Variants in COP1 observed in about 807,000 individuals in gnomAD.
COP1 encodes the protein E3 ubiquitin-protein ligase COP1.
COP1 carries 24 observed loss-of-function variants against 101.3 expected under a neutral mutation model. The ratio of observed to expected loss-of-function variants is 0.24; its 90% CI spans 0.17 to 0.33. The LOEUF (loss-of-function observed/expected upper bound fraction) is 0.33. Among genes scored for constraint, COP1 ranks in the 10% least tolerant of loss-of-function variants. COP1 has a pLI of 1.00. For synonymous variants in COP1, 347 were observed against 341.9 expected (o/e 1.01, Z -0.17); for missense variants, 663 against 906.2 (o/e 0.73, Z 3.45).
chr1:176,071,604 T>G lies in COP1; in HGVS notation c.1277+9548A>C, dbSNP rs76258996. Among the ~76,000 whole-genome samples the G allele has an allele frequency of 5.9e-3, 891 of 152,274 alleles. 12 individuals carry two copies. Among genetic ancestry groups the G allele is most frequent in the African/African-American group, 0.021 (855 of 41,546 alleles). On this transcript the variant is annotated intron_variant, in intron 11 of 19. Coordinates refer to ENST00000367669, the MANE Select transcript of COP1 (RefSeq NM_022457.7). ...AACTGATCTTAGGATCACAGAAAGA[T>G]TTTCTAAATAAAATGGCTAGAATTT...
intron 1 of COP1, among the ~76,000 whole-genome samples, chr1:176,187,407 G>A (rs866301496): frequency 1.5e-4 from 1 of 6,606 alleles, no homozygotes; most frequent in Non-Finnish European, 9.2e-4. Context: ...ATATACGTGT[G>A]TGTGTGTGTG....
At position 176,087,088 on chromosome 1, in the gene COP1, T is replaced by C. The variant is rs192091940; in HGVS notation, c.1027-1198A>G. Among the ~76,000 whole-genome samples the C allele has an allele frequency of 6.4e-3, 979 of 152,290 alleles. 7 individuals carry two copies. The highest frequency in any genetic ancestry group is 0.027 in the East Asian group (138 of 5,180). On this transcript the variant is annotated intron_variant, in intron 9 of 19. Coordinates refer to ENST00000367669, the MANE Select transcript of COP1 (RefSeq NM_022457.7). ...AAGCTGAAACTGGATCCCTTCCTTA[T>C]ACCTTATACAAAAATTAATTTAAGA...
intron 15 of COP1, among the ~76,000 whole-genome samples, chr1:176,002,329 ATTCT>A (rs920473659): frequency 7.9e-5 from 12 of 151,572 alleles, no homozygotes; most frequent in Middle Eastern, 6.8e-3. Context: ...AAGTTTACTG[ATTCT>A]TTCTTTTTTA....
At chr1:176,136,686 AG>A (rs1010268014) in intron 6 of COP1, 139 bp from the exon 7 acceptor site, 26 of 549,630 alleles carry the variant, frequency 4.7e-5, no homozygotes, top group Non-Finnish European at 8.3e-5. Flanking sequence ...AATTAACAGG[AG>A]GGATAACCAT....
At chr1:176,001,851 G>C (rs1661692408) in intron 15 of COP1, among the ~76,000 whole-genome samples, 4 of 152,026 alleles carry the variant, frequency 2.6e-5, no homozygotes, top group Admixed American at 2.6e-4. Context: ...TTGATGAATA[G>C]TTTTGCTGAA....
At chr1:175,952,541 C>T (rs1410850821) in intron 18 of COP1, among the ~76,000 whole-genome samples, 1 of 151,674 alleles carries the variant, frequency 6.6e-6, no homozygotes, top group Non-Finnish European at 1.5e-5. Flanking sequence ...CACAAACAGA[C>T]CTGCGCTGTA....
intron 9 of COP1, among the ~76,000 whole-genome samples, chr1:176,092,001 A>AG (rs1162549304): frequency 6.6e-6 from 1 of 152,166 alleles, no homozygotes; most frequent in African/African-American, 2.4e-5. Context: ...GGATGAAAAC[A>AG]GCCACTGTAT....
chr1:175,944,930 G>A lies in COP1; in HGVS notation c.*223C>T, dbSNP rs180840572. On this transcript the variant is annotated 3_prime_UTR_variant, in exon 20 of 20. Transcript: ENST00000367669. ...AGATAACACCACCAAGAGCAGCAAT[G>A]TCCATGGAGTTACATTGATGGTGGA... 133 of 504,764 alleles carry A rather than the reference G, an allele frequency of 2.6e-4. No homozygotes were observed. The highest frequency in any genetic ancestry group is 2.3e-3 in the African/African-American group (115 of 49,092). 31.3% of individuals were successfully genotyped at this position (504,764 alleles called of 1,614,324 possible). A position where few individuals can be genotyped will look rare whatever the true frequency, so the allele number is the denominator to read the frequency against.
At chr1:175,952,226 A>T (rs1650028990) in intron 18 of COP1, among the ~76,000 whole-genome samples, 1 of 152,142 alleles carries the variant, frequency 6.6e-6, no homozygotes. Flanking sequence ...GTTTGAGAGC[A>T]GCCTGGCCAA....
chr1:176,004,234 G>C (rs1662520452), intron 15 of COP1, among the ~76,000 whole-genome samples: 1 of 148,674 alleles, frequency 6.7e-6, no homozygotes, highest in African/African-American at 2.5e-5. Flanking sequence ...TTGCTTATCA[G>C]CTTAAGGAGA....
chr1:176,054,755 C>T (rs952613323), intron 11 of COP1, among the ~76,000 whole-genome samples: 13 of 152,182 alleles, frequency 8.5e-5, no homozygotes, highest in African/African-American at 2.4e-4. Context: ...TTCCATAAGG[C>T]TTCCATGTTT....
chr1:175,963,954 T>C (rs1221851551), intron 18 of COP1, among the ~76,000 whole-genome samples: 1 of 152,218 alleles, frequency 6.6e-6, no homozygotes, highest in East Asian at 1.9e-4. Context: ...CAAGTACAGT[T>C]GTCCAGTTAT....
At chr1:176,141,997 T>C (rs1043523138) in intron 6 of COP1, among the ~76,000 whole-genome samples, 3 of 152,052 alleles carry the variant, frequency 2.0e-5, no homozygotes, top group African/African-American at 7.2e-5. Flanking sequence ...CGCCAACGTG[T>C]TAGAATTACA....
chr1:176,046,388 T>C, intron 11 of COP1, 64 bp from the exon 12 acceptor site: 1 of 1,487,730 alleles, frequency 6.7e-7, no homozygotes, highest in Non-Finnish European at 9.2e-7. Context: ...TCTAAAGTAA[T>C]TCGGTCTACA....
In COP1 at chr1:176,177,832, GT is replaced by G. The variant is rs367841064; in HGVS notation, c.468-1826del. Among the ~76,000 whole-genome samples, 710 of 152,168 alleles carry G rather than the reference GT, an allele frequency of 4.7e-3. 8 individuals are homozygous for G. The highest frequency in any genetic ancestry group is 7.0e-3 in the Non-Finnish European group (474 of 68,006). On this transcript the variant is annotated intron_variant, in intron 2 of 19. Transcript: ENST00000367669. ...ACATTCCCCAGGTTTCGCCCTTCTG[GT>G]TATCAACTACTTTCACATCTCACAT...
chr1:175,947,068 T>G, intron 19 of COP1, 127 bp downstream of exon 19: 2 of 701,396 alleles, frequency 2.9e-6, no homozygotes, highest in Non-Finnish European at 5.1e-6. Flanking sequence ...TCAAGCCATT[T>G]GTAAGGAGAC....
intron 11 of COP1, among the ~76,000 whole-genome samples, chr1:176,060,498 A>C (rs890441597): frequency 6.6e-6 from 1 of 152,224 alleles, no homozygotes; most frequent in African/African-American, 2.4e-5. Flanking sequence ...GTGTTTAGTA[A>C]AAGTACAACA....
At chr1:176,175,022 C>T (rs1696717731) in intron 3 of COP1, among the ~76,000 whole-genome samples, 1 of 152,140 alleles carries the variant, frequency 6.6e-6, no homozygotes, top group Non-Finnish European at 1.5e-5. Context: ...TCATGTCTCT[C>T]TTCTCTAGTT....
At chr1:176,198,440 AAC>A (rs1336246689) in intron 1 of COP1, among the ~76,000 whole-genome samples, 1 of 152,152 alleles carries the variant, frequency 6.6e-6, no homozygotes, top group Non-Finnish European at 1.5e-5. Flanking sequence ...ACCCTTACCA[AAC>A]ACAGTGTATA....
Sources: gnomAD v4.1 joint callset for allele counts (sites outside exome capture counted in the v4.1 genomes callset) on GRCh38, gnomAD v4.1.1 for gene constraint, MANE v1.5 for transcripts, NCBI Gene and HGNC (gene_info 2026-07-23, HGNC 2026-07-21) for gene names.